DLC1: variants seen among roughly 807,000 people sequenced by gnomAD.
DLC1 encodes DLC1 Rho GTPase activating protein.
DLC1 carries 54 observed loss-of-function variants against 140.3 expected under a neutral mutation model. The observed-to-expected ratio is 0.38, with a 90% CI of 0.31 to 0.48. DLC1 has a LOEUF of 0.48. Ranked by LOEUF, DLC1 falls within the 20% of genes least tolerant of loss-of-function variation. The pLI, the probability that DLC1 is intolerant of heterozygous loss-of-function variation, is 0.96. For synonymous variants in DLC1, 986 were observed against 728.1 expected, an observed-to-expected ratio of 1.35 and a Z score of -5.70; for missense variants, 2,536 against 1,907.0, an observed-to-expected ratio of 1.33 and a Z score of -6.14.
chr8:13,407,315 AAAC>A (rs1157473559), intron 2 of DLC1, among the ~76,000 whole-genome samples: 5 of 152,108 alleles, frequency 3.3e-5, no homozygotes, highest in African/African-American at 1.2e-4. Flanking sequence ...TGTGAGGCTT[AAAC>A]AACAGGAGTC....
At chr8:13,449,151 G>T (rs1798929924) in intron 2 of DLC1, among the ~76,000 whole-genome samples, 1 of 152,192 alleles carries the variant, frequency 6.6e-6, no homozygotes, top group Non-Finnish European at 1.5e-5. Flanking sequence ...AAACGACCTA[G>T]ATTCAAAGAT....
chr8:13,152,989 A>G (rs1322160241), intron 5 of DLC1, among the ~76,000 whole-genome samples: 3 of 152,190 alleles, frequency 2.0e-5, no homozygotes, highest in Admixed American at 2.0e-4. Flanking sequence ...TTTTCTTCTT[A>G]GCATGTTGCC....
chr8:13,428,768 G>C (rs1478430174), intron 2 of DLC1, among the ~76,000 whole-genome samples: 1 of 152,110 alleles, frequency 6.6e-6, no homozygotes. Flanking sequence ...CTACATGCTT[G>C]CTGTGACTCC....
chr8:13,321,918 A>T (rs1327819958), intron 4 of DLC1, among the ~76,000 whole-genome samples: 2 of 152,154 alleles, frequency 1.3e-5, no homozygotes, highest in Non-Finnish European at 2.9e-5. Flanking sequence ...TCTATTTTTA[A>T]TTCCTGCAAA....
intron 2 of DLC1, among the ~76,000 whole-genome samples, chr8:13,420,276 G>C (rs1052562762): frequency 1.3e-5 from 2 of 152,074 alleles, no homozygotes; most frequent in Non-Finnish European, 2.9e-5. Flanking sequence ...GGAATGTAGT[G>C]TGTGTCTCCA....
intron 2 of DLC1, among the ~76,000 whole-genome samples, chr8:13,435,556 C>T (rs1387206673): frequency 2.0e-5 from 3 of 152,202 alleles, no homozygotes; most frequent in Admixed American, 6.5e-5. Context: ...TCAGGTGATC[C>T]GCCCGCCTCG....
intron 1 of DLC1, among the ~76,000 whole-genome samples, chr8:13,578,345 G>T (rs750798008): frequency 1.3e-5 from 2 of 152,168 alleles, no homozygotes; most frequent in Non-Finnish European, 2.9e-5. Context: ...CTGTGTTTTC[G>T]TACTCTCTTA....
chr8:13,386,939 C>T (rs555766342), intron 4 of DLC1, among the ~76,000 whole-genome samples: 1 of 152,156 alleles, frequency 6.6e-6, no homozygotes, highest in Admixed American at 6.5e-5. Flanking sequence ...AATGTGATTG[C>T]TTTGACATGG....
chr8:13,348,118 C>CAAACAAAA (rs1554502046), intron 4 of DLC1, among the ~76,000 whole-genome samples: 8 of 151,736 alleles, frequency 5.3e-5, no homozygotes, highest in African/African-American at 1.9e-4. Flanking sequence ...AATAAACAAA[C>CAAACAAAA]AAACTTCCTG....
At position 13,092,788 on chromosome 8, in the gene DLC1, A is replaced by G. The variant is rs749274415; in HGVS notation, c.3564T>C (p.Ala1188=). Residue 1188 remains alanine (A), a synonymous_variant, in exon 13 of 18, where the codon GCT becomes GCC. Coordinates refer to ENST00000276297, the MANE Select transcript of DLC1 (RefSeq NM_182643.3). Reference sequence around the variant, plus strand: ...TCTCGTCAGGCAGCAGCATGATGGCAGCCTTGATGGCCTGCAGGCGCTGGT... The same window carrying G: ...TCTCGTCAGGCAGCAGCATGATGGCGGCCTTGATGGCCTGCAGGCGCTGGT... ...PKDQRLQAIK[A]AIMLLPDENR... is the part of the protein sequence containing the mutation. 1 of 1,614,082 alleles carries G rather than the reference A, an allele frequency of 6.2e-7. No homozygotes were observed. The highest frequency in any genetic ancestry group is 1.1e-5 in the South Asian group (1 of 91,040).
chr8:13,509,752 A>T (rs967317964), intron 1 of DLC1, among the ~76,000 whole-genome samples: 1 of 152,150 alleles, frequency 6.6e-6, no homozygotes, highest in African/African-American at 2.4e-5. Context: ...TGTCAAATAC[A>T]TACTGGTGGG....
intron 1 of DLC1, among the ~76,000 whole-genome samples, chr8:13,590,994 C>T (rs985922764): frequency 2.0e-5 from 3 of 151,856 alleles, no homozygotes; most frequent in Non-Finnish European, 4.4e-5. Context: ...TTCCAGGCAG[C>T]AATAACATGG....
intron 5 of DLC1, among the ~76,000 whole-genome samples, chr8:13,229,221 G>T (rs111250573): frequency 2.0e-5 from 3 of 152,030 alleles, no homozygotes; most frequent in Non-Finnish European, 4.4e-5. Flanking sequence ...GATGAAGTGT[G>T]GTATATACAC....
At chr8:13,285,949 T>C (rs540356237) in intron 5 of DLC1, among the ~76,000 whole-genome samples, 1 of 152,242 alleles carries the variant, frequency 6.6e-6, no homozygotes, top group East Asian at 1.9e-4. Flanking sequence ...ACTTGGTACA[T>C]GAGAGAATTT....
intron 5 of DLC1, among the ~76,000 whole-genome samples, chr8:13,155,128 G>A (rs1254408659): frequency 8.2e-6 from 1 of 122,354 alleles, no homozygotes. Flanking sequence ...TACAACTTGC[G>A]CTGCTTTTTT....
intron 5 of DLC1, among the ~76,000 whole-genome samples, chr8:13,208,715 A>G (rs1195367974): frequency 7.0e-6 from 1 of 143,292 alleles, no homozygotes; most frequent in Non-Finnish European, 1.5e-5. Context: ...GCAGGACAAG[A>G]AACACACACC....
At position 13,393,588 on chromosome 8, in the gene DLC1, G is replaced by C. The variant is rs1422188805; in HGVS notation, c.1279C>G (p.Pro427Ala). Residue 427 changes from proline (P) to alanine (A), a missense_variant, in exon 4 of 18, where the codon CCA becomes GCA. By Grantham distance (27) the Pro-to-Ala change is conservative. Transcript: ENST00000276297. ...TESTDLPSST[P>A]VANSGTKPKT... The stretch of plus-strand genomic sequence containing the variant: ...GGTTTGGTTCCAGAATTGGCTACTG[G>C]AGTGGAAGATGGGAGGTCCGTGGAC... 1 of 1,614,010 alleles carries C rather than the reference G, an allele frequency of 6.2e-7. No homozygotes were observed. The highest frequency in any genetic ancestry group is 8.5e-7 in the Non-Finnish European group (1 of 1,180,020).
At chr8:13,186,386 A>G (rs1329270320) in intron 5 of DLC1, among the ~76,000 whole-genome samples, 1 of 151,648 alleles carries the variant, frequency 6.6e-6, no homozygotes, top group East Asian at 1.9e-4. Context: ...TTCTCACTTT[A>G]TTTCATTAAT....
At chr8:13,214,819 G>A (rs1489140332) in intron 5 of DLC1, 2 of 773,484 alleles carry the variant, frequency 2.6e-6, no homozygotes, top group Non-Finnish European at 4.8e-6. Context: ...GAAAATGATT[G>A]ATTTGAGTGC....
Sources: gnomAD v4.1 joint callset for allele counts (sites outside exome capture counted in the v4.1 genomes callset) on GRCh38, gnomAD v4.1.1 for gene constraint, MANE v1.5 for transcripts, NCBI Gene and HGNC (gene_info 2026-07-23, HGNC 2026-07-21) for gene names.